HID1: variants seen among roughly 807,000 people sequenced by gnomAD.
The protein encoded by HID1 is protein HID1.
A neutral mutation model predicts 89.7 loss-of-function variants in HID1; 42 were observed. That is an observed-to-expected ratio of 0.47 (90% confidence interval 0.37 to 0.61). HID1 has a LOEUF of 0.61. HID1 is among the 20% of genes least tolerant of loss of function. HID1 has a pLI of 0.00. For missense variants in HID1, 854 were observed against 1,039.3 expected (o/e 0.82, Z 2.45); for synonymous variants, 442 against 433.8 (o/e 1.02, Z -0.24).
At position 74,962,277 on chromosome 17, in the gene HID1, A is replaced by G; in HGVS notation, c.568T>C (p.Phe190Leu). The G allele has an allele frequency of 6.2e-7, 1 of 1,612,000 alleles. No homozygotes were observed. Among genetic ancestry groups the G allele is most frequent in the South Asian group, 1.1e-5 (1 of 90,940 alleles). ...CEYIWEAGVG[F>L]AHSPQPNYIH... Reference sequence around the variant, plus strand: ...TAGTTAGGCTGGGGGGAGTGAGCGAAGCCCACACCAGCCTCCCAGATGTAT... The same window carrying G: ...TAGTTAGGCTGGGGGGAGTGAGCGAGGCCCACACCAGCCTCCCAGATGTAT... The change falls in exon 5 of 19, where the codon TTC becomes CTC. Residue 190 changes from phenylalanine (F) to leucine (L), a missense_variant. Phe to Leu is a conservative substitution (Grantham distance 22). Transcript: ENST00000425042. This position sits in a 1 kb window ranked among gnomAD's most constrained non-coding sequence, Gnocchi z 4.3.
chr17:74,954,541 G>GCCA lies in HID1; in HGVS notation c.1637-177_1637-176insTGG, dbSNP rs1190228608. 5.7e-5 allele frequency: 63 copies of GCCA among 1,107,114 alleles called. No individual in the cohort carries two copies. The South Asian group carries it at 8.7e-4, about 15-fold the overall frequency. 68.6% of individuals were successfully genotyped at this position (1,107,114 alleles called of 1,614,324 possible). ...CTGGGGCAGGGCTGGCACTGGCTGT[G>GCCA]TGTGCCCACTATGGCTATCCCAGAA... On this transcript the variant is annotated intron_variant, in intron 13 of 18. Transcript: ENST00000425042.
At chr17:74,953,361 G>A (rs1248471272) in intron 15 of HID1, among the ~76,000 whole-genome samples, 184 bp downstream of exon 15, 1 of 152,166 alleles carries the variant, frequency 6.6e-6, no homozygotes, top group African/African-American at 2.4e-5. Flanking sequence ...AAACAAGGGA[G>A]GGGTCTGTGA....
chr17:74,963,946 A>G (rs2039523803), intron 2 of HID1, 36 bp from the exon 3 acceptor site: 2 of 1,610,182 alleles, frequency 1.2e-6, no homozygotes, highest in Non-Finnish European at 1.7e-6. Context: ...GCAGGCTGGA[A>G]GGTGGGGAAA....
chr17:74,952,182 G>A, intron 17 of HID1, 87 bp downstream of exon 17: 2 of 1,519,678 alleles, frequency 1.3e-6, no homozygotes, highest in East Asian at 2.3e-5. Context: ...GGCTGGCCCC[G>A]CCCAGAGCCC....
chr17:74,966,457 G>A (rs1476371844), intron 1 of HID1, among the ~76,000 whole-genome samples: 1 of 151,694 alleles, frequency 6.6e-6, no homozygotes, highest in Non-Finnish European at 1.5e-5. Flanking sequence ...CAAGGCACGC[G>A]CACCTCCTCG....
chr17:74,952,449 C>G, intron 16 of HID1, 89 bp from the exon 17 acceptor site: 1 of 901,756 alleles, frequency 1.1e-6, no homozygotes, highest in Non-Finnish European at 1.8e-6. Flanking sequence ...CACAGGCTCC[C>G]CAAGGCAGAA....
chr17:74,959,932 T>G lies in HID1; in HGVS notation c.957A>C (p.Pro319=). 1 of 1,613,706 alleles carries G rather than the reference T, an allele frequency of 6.2e-7. No homozygotes were observed. The highest frequency in any genetic ancestry group is 8.5e-7 in the Non-Finnish European group (1 of 1,180,034). ...AGTTCACAAACAGGTTCTCAGGGCC[T>G]GGAGGCTGCCAAGAGGAGAAGCCCC... ...TGTAMDDADP[P]GPENLFVNYL... The change falls in exon 8 of 19, where the codon CCA becomes CCC. Residue 319 remains proline (P), a synonymous_variant. Coordinates refer to ENST00000425042, the MANE Select transcript of HID1 (RefSeq NM_030630.3). This position sits in a 1 kb window ranked among gnomAD's most constrained non-coding sequence, Gnocchi z 4.6.
chr17:74,967,677 C>A (rs1266292062), intron 1 of HID1: 1 of 149,668 alleles, frequency 6.7e-6, no homozygotes, highest in Non-Finnish European at 1.5e-5. Context: ...TGACGAAATA[C>A]CATCTCTACA....
Position 74,953,002 on chromosome 17 carries a change from T to G in HID1, c.2052+4A>C. 6.2e-7 allele frequency: 1 copy of G among 1,601,434 alleles called. No homozygotes were observed. The highest frequency in any genetic ancestry group is 8.5e-7 in the Non-Finnish European group (1 of 1,174,896). On this transcript the variant is annotated splice_donor_region_variant and intron_variant, in intron 16 of 18. Transcript: ENST00000425042. Reference sequence around the variant, plus strand: ...CGCTCGCCTGGCACAGGGTCCCTCCTCACCCACTCTGGCGTTGGGCTCCAC... The same window carrying G: ...CGCTCGCCTGGCACAGGGTCCCTCCGCACCCACTCTGGCGTTGGGCTCCAC...
At position 74,959,930 on chromosome 17, in the gene HID1, C is replaced by T. The variant is rs1567961231; in HGVS notation, c.959G>A (p.Gly320Asp). Reference sequence around the variant, plus strand: ...GTAGTTCACAAACAGGTTCTCAGGGCCTGGAGGCTGCCAAGAGGAGAAGCC... The same window carrying T: ...GTAGTTCACAAACAGGTTCTCAGGGTCTGGAGGCTGCCAAGAGGAGAAGCC... The part of the protein sequence containing the change: ...GTAMDDADPP[G>D]PENLFVNYLS... Residue 320 changes from glycine (G) to aspartate (D), a missense_variant, in exon 8 of 19, where the codon GGC (glycine) becomes GAC (aspartate). Gly to Asp is a moderately conservative substitution (Grantham distance 94). Transcript: ENST00000425042. The surrounding 1 kb of genome is among the most constrained non-coding windows in gnomAD (Gnocchi z 4.6). The T allele has an allele frequency of 6.2e-7, 1 of 1,613,696 alleles. No homozygotes were observed. Among genetic ancestry groups the T allele is most frequent in the Admixed American group, 1.7e-5 (1 of 60,022 alleles).
At position 74,962,154 on chromosome 17, in the gene HID1, C is replaced by T. The variant is rs1240871205; in HGVS notation, c.611+80G>A. 2 of 1,291,164 alleles carry T rather than the reference C, an allele frequency of 1.5e-6. No individual in the cohort carries two copies. The highest frequency in any genetic ancestry group is 4.1e-5 in the Admixed American group (2 of 49,280). The allele number at this position is 1,291,164 out of a possible 1,614,324, so 80.0% of individuals were successfully genotyped here. On this transcript the variant is annotated intron_variant, in intron 5 of 18. Coordinates refer to ENST00000425042, the MANE Select transcript of HID1 (RefSeq NM_030630.3). The surrounding 1 kb of genome is among the most constrained non-coding windows in gnomAD (Gnocchi z 4.3). ...GGTGAGGACGGTCTTCTGGGAAGAC[C>T]CCATGGGCTTTCTGAGCTGTGCGGG... is the stretch of plus-strand genomic sequence containing the variant.
chr17:74,955,674 G>A (rs1246680473), intron 13 of HID1, 118 bp downstream of exon 13: 4 of 835,908 alleles, frequency 4.8e-6, no homozygotes, highest in African/African-American at 1.7e-5. Flanking sequence ...ATGAACTGGG[G>A]GCAGAAGGCA....
intron 1 of HID1, among the ~76,000 whole-genome samples, chr17:74,967,198 C>G (rs1437323607): frequency 6.6e-6 from 1 of 151,904 alleles, no homozygotes; most frequent in African/African-American, 2.4e-5. Flanking sequence ...GATCGTGCCA[C>G]TACACTCCAG....
At chr17:74,964,244 A>G in intron 2 of HID1, 1 of 598,540 alleles carries the variant, frequency 1.7e-6, no homozygotes, top group Non-Finnish European at 3.0e-6. Context: ...CCACAGAGGG[A>G]GCTAAATGAA....
rs1364774917 is a variant in HID1, at chr17:74,972,061, C to A, written c.66+530G>T. Among the ~76,000 whole-genome samples the A allele has an allele frequency of 6.6e-6, 1 of 152,210 alleles. No homozygotes were observed. The highest frequency in any genetic ancestry group is 1.5e-5 in the Non-Finnish European group (1 of 68,036). ...TGCGTGTTCCCAGGAAGACCTGGGCCTTCCCTGCCCACGGGCATCGACCAG... is the reference window on the plus strand; with the variant it reads ...TGCGTGTTCCCAGGAAGACCTGGGCATTCCCTGCCCACGGGCATCGACCAG... On this transcript the variant is annotated intron_variant, in intron 1 of 18. Coordinates refer to ENST00000425042, the MANE Select transcript of HID1 (RefSeq NM_030630.3). This position sits in a 1 kb window ranked among gnomAD's most constrained non-coding sequence, Gnocchi z 6.4.
intron 3 of HID1, 131 bp downstream of exon 3, chr17:74,963,609 G>A (rs1368433509): frequency 4.6e-6 from 4 of 863,308 alleles, no homozygotes; most frequent in Non-Finnish European, 7.0e-6. Context: ...TCCCTCAGCA[G>A]CACCCACTGG....
Position 74,958,447 on chromosome 17 carries a change from G to T in HID1, c.1272C>A (p.Phe424Leu). The change falls in exon 11 of 19, where the codon TTC (phenylalanine) becomes TTA (leucine). Residue 424 changes from phenylalanine to leucine, a missense_variant. Transcript: ENST00000425042. The surrounding 1 kb of genome is among the most constrained non-coding windows in gnomAD (Gnocchi z 5.2). ...GCTCCCCGCTCAGAAGCAGCAAGAT[G>T]AAGACACCAATGTGCATCAGGCCCA... ...SRVGLMHIGV[F>L]ILLLLSGERN... 6.2e-7 allele frequency: 1 copy of T among 1,600,748 alleles called. No homozygotes were observed. Among genetic ancestry groups the T allele is most frequent in the East Asian group, 2.3e-5 (1 of 44,252 alleles).
In HID1 at chr17:74,965,186, G is replaced by A. The variant is rs556582451; in HGVS notation, c.67-554C>T. On this transcript the variant is annotated intron_variant, in intron 1 of 18. Coordinates refer to ENST00000425042, the MANE Select transcript of HID1 (RefSeq NM_030630.3). ...CTGACCCCAACACGCCCCTCTCAGC[G>A]CCCACCTCCAGCGCTGCAGCTCAGG... 2.7e-4 allele frequency among the ~76,000 whole-genome samples: 41 copies of A among 152,298 alleles called. No individual in the cohort carries two copies. In the South Asian group the frequency reaches 6.8e-3, roughly 25 times the overall value.
chr17:74,963,633 C>T, intron 3 of HID1, 107 bp downstream of exon 3: 1 of 1,179,468 alleles, frequency 8.5e-7, no homozygotes. Context: ...CACCCCTGTA[C>T]TTCCCAAATC....
Sources: gnomAD v4.1 joint callset for allele counts (sites outside exome capture counted in the v4.1 genomes callset) on GRCh38, gnomAD v4.1.1 for gene constraint, Gnocchi (gnomAD v3.1) non-coding constraint, MANE v1.5 for transcripts, NCBI Gene and HGNC (gene_info 2026-07-23, HGNC 2026-07-21) for gene names.